The following MINAR2 variants were observed in gnomAD, a reference collection of about 807,000 sequenced individuals.
The protein encoded by MINAR2 is major intrinsically disordered NOTCH2-binding receptor 1-like.
In MINAR2, 21 loss-of-function variants were observed where a neutral mutation model predicts 16.1. The ratio of observed to expected loss-of-function variants is 1.31; its 90% CI spans 0.93 to 1.88. The LOEUF (loss-of-function observed/expected upper bound fraction) is 1.88. Among genes scored for constraint, MINAR2 ranks in the 40% most tolerant of loss-of-function variants. The pLI is 0.00. For synonymous variants in MINAR2, 86 were observed against 83.0 expected, an observed-to-expected ratio of 1.04 and a Z score of -0.20; for missense variants, 259 against 229.8, an observed-to-expected ratio of 1.13 and a Z score of -0.82.
At chr5:129,753,170 T>C (rs534563948) in intron 1 of MINAR2, among the ~76,000 whole-genome samples, 19 of 152,194 alleles carry the variant, frequency 1.2e-4, no homozygotes, top group Non-Finnish European at 2.5e-4. Flanking sequence ...ATTTTCAATC[T>C]TCCATTTATT....
intron 1 of MINAR2, among the ~76,000 whole-genome samples, chr5:129,756,537 A>C (rs1463226845): frequency 1.3e-5 from 2 of 152,038 alleles, no homozygotes; most frequent in Non-Finnish European, 1.5e-5. Context: ...TTGTGTCCTC[A>C]TAGCCTAGCT....
chr5:129,763,845 C>T (rs1039813417), intron 2 of MINAR2, among the ~76,000 whole-genome samples: 1 of 152,152 alleles, frequency 6.6e-6, no homozygotes, highest in African/African-American at 2.4e-5. Context: ...TCATTGACCC[C>T]TGATGCTGAT....
chr5:129,754,538 T>G (rs1758031688), intron 1 of MINAR2, among the ~76,000 whole-genome samples: 1 of 152,198 alleles, frequency 6.6e-6, no homozygotes, highest in Non-Finnish European at 1.5e-5. Context: ...ATGACCATGA[T>G]GTATCGTTTT....
At chr5:129,757,768 C>T (rs1261264088) in intron 1 of MINAR2, among the ~76,000 whole-genome samples, 2 of 151,892 alleles carry the variant, frequency 1.3e-5, no homozygotes, top group East Asian at 3.9e-4. Context: ...GTATTCATTT[C>T]TCTTACTTTA....
chr5:129,750,216 C>T (rs1757968481), intron 1 of MINAR2, among the ~76,000 whole-genome samples: 1 of 152,102 alleles, frequency 6.6e-6, no homozygotes, highest in Non-Finnish European at 1.5e-5. Flanking sequence ...TCTTAAAATC[C>T]ATGATTGATA....
intron 2 of MINAR2, 149 bp from the exon 3 acceptor site, chr5:129,764,735 C>T (rs1758186289): frequency 4.8e-6 from 2 of 417,828 alleles, no homozygotes; most frequent in Non-Finnish European, 8.2e-6. Context: ...TCATACCGCT[C>T]ATGTGAGCCA....
chr5:129,748,380 C>A lies in MINAR2; in HGVS notation c.165+25C>A, dbSNP rs1272286242. 5 of 1,528,094 alleles carry A rather than the reference C, an allele frequency of 3.3e-6. 1 individual carries two copies. The highest frequency in any genetic ancestry group is 1.9e-4 in the Middle Eastern group (1 of 5,352). The allele number at this position is 1,528,094 out of a possible 1,614,324, so 94.7% of individuals were successfully genotyped here. On this transcript the variant is annotated intron_variant, in intron 1 of 2. Transcript: ENST00000564719. ...GGTAAGATCTAGGGGCACAAAAATA[C>A]GGGGATGGAGGCTTGTTTCTTTCTC...
intron 1 of MINAR2, among the ~76,000 whole-genome samples, chr5:129,755,439 C>T (rs1156413312): frequency 1.3e-5 from 2 of 151,920 alleles, no homozygotes; most frequent in Non-Finnish European, 2.9e-5. Context: ...ACTGCAAAAC[C>T]CTCTGACATG....
chr5:129,765,593 T>C lies in MINAR2; in HGVS notation c.*530T>C, dbSNP rs1020585182. The C allele has an allele frequency of 2.6e-5, 4 of 152,246 alleles. No individual in the cohort carries two copies. The highest frequency in any genetic ancestry group is 9.7e-5 in the African/African-American group (4 of 41,442). The allele number at this position is 152,246 out of a possible 1,614,324, so 9.4% of individuals were successfully genotyped here. On this transcript the variant is annotated 3_prime_UTR_variant, in exon 3 of 3. Coordinates refer to ENST00000564719, the MANE Select transcript of MINAR2 (RefSeq NM_001257308.2). ...TCATTCTCTGTTTTATTTTCCTGTA[T>C]TTCTGTTTAAGTCAGAAAAAAGGAA...
At chr5:129,761,852 C>A (rs954288866) in intron 2 of MINAR2, among the ~76,000 whole-genome samples, 1 of 152,060 alleles carries the variant, frequency 6.6e-6, no homozygotes, top group Admixed American at 6.6e-5. Flanking sequence ...AAAAGTTGAT[C>A]TAACTGAGCA....
chr5:129,755,047 G>A (rs1372622464), intron 1 of MINAR2, among the ~76,000 whole-genome samples: 1 of 152,052 alleles, frequency 6.6e-6, no homozygotes, highest in African/African-American at 2.4e-5. Context: ...CACTAAGAGT[G>A]TTTGCTTTAA....
At chr5:129,754,367 G>T (rs1434994890) in intron 1 of MINAR2, among the ~76,000 whole-genome samples, 1 of 152,146 alleles carries the variant, frequency 6.6e-6, no homozygotes, top group South Asian at 2.1e-4. Context: ...AAAATTTTGT[G>T]TTCACAAAAG....
rs137999992 is a variant in MINAR2, at chr5:129,749,490, A to T, written c.165+1135A>T. ...ACAACTGGCATTTTTTGAATTTTGC[A>T]TCAATCACTTTGGTAATCCTCAAAC... is the stretch of plus-strand genomic sequence containing the variant. On this transcript the variant is annotated intron_variant, in intron 1 of 2. Coordinates refer to ENST00000564719, the MANE Select transcript of MINAR2 (RefSeq NM_001257308.2). Among the ~76,000 whole-genome samples, 564 of 152,292 alleles carry T rather than the reference A, an allele frequency of 3.7e-3. 4 individuals are homozygous for T. The highest frequency in any genetic ancestry group is 0.012 in the African/African-American group (508 of 41,564).
rs35674869 is a variant in MINAR2, at chr5:129,765,126, AC to A, written c.*71del. On this transcript the variant is annotated 3_prime_UTR_variant, in exon 3 of 3. Coordinates refer to ENST00000564719, the MANE Select transcript of MINAR2 (RefSeq NM_001257308.2). ...AAAATTTTTCTGATAAACATTTGAA[AC>A]CCCCCCCACCAAAATAACAAAAAAA... 0.59 allele frequency: 506,799 copies of A among 854,872 alleles called. 158,897 individuals are homozygous for A. The highest frequency in any genetic ancestry group is 0.63 in the Non-Finnish European group (400,489 of 635,822). 53.0% of individuals were successfully genotyped at this position (854,872 alleles called of 1,614,324 possible).
At chr5:129,758,928 G>A (rs1758089639) in intron 1 of MINAR2, among the ~76,000 whole-genome samples, 1 of 151,902 alleles carries the variant, frequency 6.6e-6, no homozygotes, top group Non-Finnish European at 1.5e-5. Context: ...TTGACTTTGA[G>A]CAGACCAAGG....
chr5:129,752,197 T>A (rs1226884081), intron 1 of MINAR2, among the ~76,000 whole-genome samples: 3 of 152,172 alleles, frequency 2.0e-5, no homozygotes. Context: ...AGAAATACCA[T>A]TTGACCCAGC....
In MINAR2 at chr5:129,748,268, C is replaced by T; in HGVS notation, c.78C>T (p.Ser26=). ...LQLDVKSLTR[S]SALLQASLVR... ...TTGACGTAAAGTCTTTAACGAGGAG[C>T]TCAGCCCTCCTTCAGGCCAGCCTGG... The change falls in exon 1 of 3, where the codon AGC becomes AGT. Residue 26 remains serine (S), a synonymous_variant. Coordinates refer to ENST00000564719, the MANE Select transcript of MINAR2 (RefSeq NM_001257308.2). 3.3e-6 allele frequency: 5 copies of T among 1,535,230 alleles called. No homozygotes were observed. The highest frequency in any genetic ancestry group is 4.4e-6 in the Non-Finnish European group (5 of 1,146,560).
chr5:129,757,622 CT>C (rs1307746489), intron 1 of MINAR2, among the ~76,000 whole-genome samples: 1 of 151,802 alleles, frequency 6.6e-6, no homozygotes, highest in Admixed American at 6.6e-5. Flanking sequence ...TAGTCTTCAT[CT>C]TTTTCCTACT....
chr5:129,756,846 T>G (rs1413135926), intron 1 of MINAR2, among the ~76,000 whole-genome samples: 1 of 150,584 alleles, frequency 6.6e-6, no homozygotes, highest in South Asian at 2.1e-4. Context: ...ACCGTGTCTA[T>G]TTTGTCTCCA....
Sources: allele counts gnomAD v4.1 joint callset (sites outside exome capture counted in the v4.1 genomes callset), GRCh38; gene constraint gnomAD v4.1.1; transcripts MANE v1.5; gene names NCBI Gene and HGNC (gene_info 2026-07-23, HGNC 2026-07-21).